Variants in ERCC8 observed in about 807,000 individuals in gnomAD.
ERCC8 encodes the protein DNA excision repair protein ERCC-8.
In ERCC8, 52 loss-of-function variants were observed where a neutral mutation model predicts 54.9. The observed-to-expected ratio is 0.95, with a 90% CI of 0.76 to 1.19. The LOEUF is 1.19. Among genes scored for constraint, ERCC8 ranks in the 50% most tolerant of loss-of-function variants. ERCC8 has a pLI of 0.00. For missense variants in ERCC8, 514 were observed against 466.1 expected (o/e 1.10, Z -0.95); for synonymous variants, 146 against 157.2 (o/e 0.93, Z 0.53).
chr5:60,875,511 A>G (rs1456958656), intron 11 of ERCC8, among the ~76,000 whole-genome samples: 1 of 152,214 alleles, frequency 6.6e-6, no homozygotes, highest in Non-Finnish European at 1.5e-5. Context: ...TACTCATGCA[A>G]ATAACTAAAA....
intron 9 of ERCC8, among the ~76,000 whole-genome samples, chr5:60,895,092 C>T (rs1748685647): frequency 6.7e-6 from 1 of 150,048 alleles, no homozygotes. Context: ...ATTGCTTGAA[C>T]CTGGGAGGTG....
chr5:60,874,729 A>G (rs2112452145), intron 11 of ERCC8, 46 bp from the exon 12 acceptor site: 1 of 1,503,626 alleles, frequency 6.7e-7, no homozygotes. Context: ...TGTTTTTTCT[A>G]CTTCATAATT....
chr5:60,892,692 T>C (rs1579996610), intron 9 of ERCC8: 4 of 676,188 alleles, frequency 5.9e-6, no homozygotes, highest in East Asian at 2.7e-5. Flanking sequence ...TGCCAGTCTC[T>C]AGATGTGGAT....
chr5:60,943,842 A>T (rs1750339903), intron 1 of ERCC8, among the ~76,000 whole-genome samples: 1 of 152,220 alleles, frequency 6.6e-6, no homozygotes, highest in Non-Finnish European at 1.5e-5. Flanking sequence ...TTGTGATGAA[A>T]GGCTGATGAT....
chr5:60,877,838 C>G (rs1212973467), intron 11 of ERCC8, among the ~76,000 whole-genome samples: 2 of 152,330 alleles, frequency 1.3e-5, no homozygotes, highest in East Asian at 1.9e-4. Flanking sequence ...TTGACTTCCT[C>G]TTTTCCTAAC....
At chr5:60,929,055 G>C (rs896243742) in intron 1 of ERCC8, 96 bp from the exon 2 acceptor site, 64 of 747,308 alleles carry the variant, frequency 8.6e-5, no homozygotes, top group Non-Finnish European at 1.4e-4. Flanking sequence ...AAAATCACAA[G>C]AAATGTCTAA....
At position 60,918,286 on chromosome 5, in the gene ERCC8, T is replaced by A; in HGVS notation, c.378A>T (p.Val126=). 1 of 1,599,386 alleles carries A rather than the reference T, an allele frequency of 6.3e-7. No individual in the cohort carries two copies. The highest frequency in any genetic ancestry group is 8.6e-7 in the Non-Finnish European group (1 of 1,167,138). ...TTACTTGTAATGTATTTGTATCCCA[T>A]ACTTTCAGAGTTTTATCAAATGAGC... ...TSSSFDKTLK[V]WDTNTLQTAD... is the part of the protein sequence containing the mutation. Residue 126 remains valine (V), a synonymous_variant, in exon 4 of 12, where the codon GTA becomes GTT. Transcript: ENST00000676185.
chr5:60,876,253 C>T (rs1439636726), intron 11 of ERCC8, among the ~76,000 whole-genome samples: 1 of 152,144 alleles, frequency 6.6e-6, no homozygotes, highest in African/African-American at 2.4e-5. Flanking sequence ...TATATATGTG[C>T]CACATTTTCT....
rs116719230 is a variant in ERCC8, at chr5:60,905,300, A to G, written c.400-427T>C. On this transcript the variant is annotated intron_variant, in intron 4 of 11. Coordinates refer to ENST00000676185, the MANE Select transcript of ERCC8 (RefSeq NM_000082.4). ...AAATCATACATTTCAGTTATCTATG[A>G]CCACAATCTTCTACCATTTTCAGCT... Among the ~76,000 whole-genome samples the G allele has an allele frequency of 7.2e-3, 1,103 of 152,274 alleles. 11 individuals carry two copies. Among genetic ancestry groups the G allele is most frequent in the African/African-American group, 0.025 (1,057 of 41,570 alleles).
chr5:60,898,596 A>G (rs1157277197), intron 8 of ERCC8, among the ~76,000 whole-genome samples, 196 bp from the exon 9 acceptor site: 1 of 151,984 alleles, frequency 6.6e-6, no homozygotes, highest in Non-Finnish European at 1.5e-5. Flanking sequence ...ATAGAGGAAA[A>G]CAAAAAAAAA....
intron 4 of ERCC8, among the ~76,000 whole-genome samples, chr5:60,911,083 T>C (rs1039014208): frequency 1.3e-5 from 2 of 152,158 alleles, no homozygotes; most frequent in African/African-American, 4.8e-5. Context: ...AATTATACTT[T>C]TAAGTTCTAG....
Position 60,867,844 on chromosome 5 carries a change from T to C in ERCC8, c.*6771A>G, listed in dbSNP as rs563353909. On this transcript the variant is annotated 3_prime_UTR_variant, in exon 12 of 12. Coordinates refer to ENST00000676185, the MANE Select transcript of ERCC8 (RefSeq NM_000082.4). ...ATGGATGAAATGAACAAAAGAAAAC[T>C]GGCTTGTGCCAGTCACCTGAGCCAA... 1.9e-3 allele frequency among the ~76,000 whole-genome samples: 284 copies of C among 152,282 alleles called. 1 individual carries two copies. The highest frequency in any genetic ancestry group is 6.7e-3 in the African/African-American group (278 of 41,552).
intron 4 of ERCC8, chr5:60,909,969 AAAAAAT>A (rs1561506888): frequency 1.3e-5 from 2 of 151,092 alleles, no homozygotes; most frequent in East Asian, 1.9e-4. Context: ...TAGAAAAAAA[AAAAAAT>A]AATAATAATA....
At chr5:60,876,694 G>T (rs1432803953) in intron 11 of ERCC8, among the ~76,000 whole-genome samples, 1 of 152,150 alleles carries the variant, frequency 6.6e-6, no homozygotes, top group Non-Finnish European at 1.5e-5. Flanking sequence ...AGAAGTGTTT[G>T]TTCATATCCT....
intron 1 of ERCC8, among the ~76,000 whole-genome samples, chr5:60,943,275 A>C (rs976069979): frequency 5.9e-5 from 9 of 152,182 alleles, no homozygotes; most frequent in African/African-American, 2.2e-4. Context: ...TGCCTCAAAA[A>C]AAAAATATTT....
At position 60,876,346 on chromosome 5, in the gene ERCC8, G is replaced by C. The variant is rs572549879; in HGVS notation, c.1123-1663C>G. 2.2e-4 allele frequency among the ~76,000 whole-genome samples: 34 copies of C among 152,312 alleles called. 1 individual carries two copies. The South Asian group carries it at 6.8e-3, about 31-fold the overall frequency. On this transcript the variant is annotated intron_variant, in intron 11 of 11. Coordinates refer to ENST00000676185, the MANE Select transcript of ERCC8 (RefSeq NM_000082.4). ...ATAGTGCCGCAATAAACATACGTGTGCATGTGTCTTTATAGCAGCATGTTT... is the reference window on the plus strand; with the variant it reads ...ATAGTGCCGCAATAAACATACGTGTCCATGTGTCTTTATAGCAGCATGTTT...
rs1747923561 is a variant in ERCC8 at position 60,874,005 on chromosome 5, G to A, written c.*610C>T. On this transcript the variant is annotated 3_prime_UTR_variant, in exon 12 of 12. Coordinates refer to ENST00000676185, the MANE Select transcript of ERCC8 (RefSeq NM_000082.4). ...CCTTCTGACATTAAAATAAAATAAA[G>A]CAAACATGGGATTTTCACAAAGTTA... is the stretch of plus-strand genomic sequence containing the variant. 2.0e-5 allele frequency: 3 copies of A among 152,044 alleles called. No individual in the cohort carries two copies. Among genetic ancestry groups the A allele is most frequent in the Admixed American group, 2.0e-4 (3 of 15,260 alleles). 9.4% of individuals were successfully genotyped at this position (152,044 alleles called of 1,614,324 possible). A position where few individuals can be genotyped will look rare whatever the true frequency, so the allele number is the denominator to read the frequency against.
rs1039828720 is a variant in ERCC8, at chr5:60,934,612, C to T, written c.78-5653G>A. Reference sequence around the variant, plus strand: ...CTTTGTTTTTGTCGTGTTTGCTTTTCGGTTCTTGGTCATGAAGTCTTTGCC... The same window carrying T: ...CTTTGTTTTTGTCGTGTTTGCTTTTTGGTTCTTGGTCATGAAGTCTTTGCC... On this transcript the variant is annotated intron_variant, in intron 1 of 11. Transcript: ENST00000676185. 5.3e-5 allele frequency among the ~76,000 whole-genome samples: 8 copies of T among 152,164 alleles called. No homozygotes were observed. In the South Asian group the frequency reaches 8.3e-4, roughly 16 times the overall value.
chr5:60,927,660 G>A (rs1004718938), intron 2 of ERCC8, among the ~76,000 whole-genome samples: 2 of 152,084 alleles, frequency 1.3e-5, no homozygotes, highest in African/African-American at 4.8e-5. Flanking sequence ...TAACAGTATT[G>A]ATTACTTTCC....
Sources: allele counts gnomAD v4.1 joint callset (sites outside exome capture counted in the v4.1 genomes callset), GRCh38; gene constraint gnomAD v4.1.1; transcripts MANE v1.5; gene names NCBI Gene and HGNC (gene_info 2026-07-23, HGNC 2026-07-21).